LIMCH1: variants seen among roughly 807,000 people sequenced by gnomAD.
The protein encoded by LIMCH1 is LIM and calponin homology domains 1.
A neutral mutation model predicts 176.5 loss-of-function variants in LIMCH1; 113 were observed. That is an observed-to-expected ratio of 0.64 (90% CI 0.55 to 0.75). The LOEUF is 0.75. LIMCH1 is among the 30% of genes least tolerant of loss of function. The probability of loss-of-function intolerance (pLI) is 0.00; values close to 1 mark genes in which losing one functional copy is unlikely to be tolerated. For missense variants in LIMCH1, 1,674 were observed against 1,814.9 expected, an observed-to-expected ratio of 0.92 and a Z score of 1.41; for synonymous variants, 619 against 645.9, an observed-to-expected ratio of 0.96 and a Z score of 0.63.
chr4:41,507,765 T>C (rs2154182423), intron 2 of LIMCH1, among the ~76,000 whole-genome samples: 1 of 151,652 alleles, frequency 6.6e-6, no homozygotes, highest in Non-Finnish European at 1.5e-5. Context: ...ATCTCTTCCT[T>C]TATCCAACTG....
At chr4:41,390,978 T>G (rs1395800245) in intron 1 of LIMCH1, among the ~76,000 whole-genome samples, 1 of 152,232 alleles carries the variant, frequency 6.6e-6, no homozygotes, top group African/African-American at 2.4e-5. Context: ...AATTAGGGAT[T>G]CTCTTATGTG....
intron 1 of LIMCH1, among the ~76,000 whole-genome samples, chr4:41,368,236 A>G (rs188907179): frequency 1.3e-5 from 2 of 152,346 alleles, no homozygotes; most frequent in Admixed American, 1.3e-4. Flanking sequence ...CAGTATAAAC[A>G]GTGGCAAAAA....
At chr4:41,427,114 G>T (rs138527673) in intron 1 of LIMCH1, among the ~76,000 whole-genome samples, 1 of 152,298 alleles carries the variant, frequency 6.6e-6, no homozygotes, top group East Asian at 1.9e-4. Flanking sequence ...CAGAGAAAGT[G>T]GCAGGACTTA....
intron 17 of LIMCH1, among the ~76,000 whole-genome samples, chr4:41,649,136 A>G (rs551315023): frequency 2.8e-4 from 43 of 152,228 alleles, no homozygotes; most frequent in Non-Finnish European, 4.7e-4. Context: ...GAGGTGGCTC[A>G]CACCTGTAAT....
intron 21 of LIMCH1, among the ~76,000 whole-genome samples, 175 bp downstream of exon 21, chr4:41,666,841 T>G (rs1334846129): frequency 6.6e-6 from 1 of 152,196 alleles, no homozygotes; most frequent in East Asian, 1.9e-4. Flanking sequence ...TGGAGCCGGA[T>G]TCTCTATTTG....
chr4:41,611,603 G>GA (rs1178382448), intron 4 of LIMCH1, among the ~76,000 whole-genome samples: 1 of 152,186 alleles, frequency 6.6e-6, no homozygotes, highest in Non-Finnish European at 1.5e-5. Context: ...CTAACTGTGT[G>GA]ACCTCAGTCA....
chr4:41,679,140 G>A (rs78029723), intron 23 of LIMCH1, among the ~76,000 whole-genome samples: 72 of 152,282 alleles, frequency 4.7e-4, no homozygotes, highest in African/African-American at 1.1e-3. Context: ...TTTCAGCCTC[G>A]AAGAGAGGAT....
intron 1 of LIMCH1, among the ~76,000 whole-genome samples, chr4:41,564,294 T>C (rs868859126): frequency 9.9e-5 from 15 of 152,174 alleles, no homozygotes; most frequent in Admixed American, 5.9e-4. Flanking sequence ...TCTCACCCAT[T>C]TGCTCTGGCG....
chr4:41,545,847 G>A (rs1033392196), intron 1 of LIMCH1, among the ~76,000 whole-genome samples: 13 of 152,124 alleles, frequency 8.5e-5, no homozygotes, highest in African/African-American at 2.4e-4. Context: ...TATCCATTTC[G>A]TTTCATACTT....
intron 1 of LIMCH1, among the ~76,000 whole-genome samples, chr4:41,475,085 G>A (rs1458191018): frequency 6.6e-6 from 1 of 152,174 alleles, no homozygotes; most frequent in Non-Finnish European, 1.5e-5. Flanking sequence ...ATTTTCAGGA[G>A]TTTAGTGGAG....
chr4:41,680,306 T>A (rs1341605337), intron 24 of LIMCH1, among the ~76,000 whole-genome samples: 1 of 152,234 alleles, frequency 6.6e-6, no homozygotes, highest in Non-Finnish European at 1.5e-5. Flanking sequence ...GATAAGGGTG[T>A]GTTGAGTCAC....
At chr4:41,607,445 CAACTCAT>C (rs2090879884) in intron 4 of LIMCH1, among the ~76,000 whole-genome samples, 1 of 152,204 alleles carries the variant, frequency 6.6e-6, no homozygotes, top group African/African-American at 2.4e-5. Flanking sequence ...CAATGAAGCA[CAACTCAT>C]TGCTTCTCAG....
rs547210491 is a variant in LIMCH1 at position 41,543,737 on chromosome 4, C to T, written c.-241+5387C>T. 1.4e-4 allele frequency among the ~76,000 whole-genome samples: 21 copies of T among 152,232 alleles called. No homozygotes were observed. In the South Asian group the frequency reaches 3.9e-3, roughly 29 times the overall value. On this transcript the variant is annotated intron_variant, in intron 1 of 31. Coordinates refer to ENST00000503057, the MANE Select transcript of LIMCH1 (RefSeq NM_001330672.2). ...GGGTCTTCACATCTTGGCCAGGTTT[C>T]TGTTAAAAAAACAAAGGCGCCTCTG...
upstream of LIMCH1, among the ~76,000 whole-genome samples, chr4:41,535,650 G>C (rs1335174917): frequency 1.3e-5 from 2 of 152,154 alleles, no homozygotes; most frequent in Admixed American, 6.5e-5. Context: ...GATACGAATT[G>C]GGGGAGGGAG....
chr4:41,590,145 T>G (rs2087239920), intron 1 of LIMCH1, among the ~76,000 whole-genome samples: 1 of 151,880 alleles, frequency 6.6e-6, no homozygotes, highest in African/African-American at 2.4e-5. Context: ...CAGGCTGGAG[T>G]GTAGTGGCAC....
At chr4:41,396,265 A>T (rs2057790912) in intron 1 of LIMCH1, among the ~76,000 whole-genome samples, 1 of 152,222 alleles carries the variant, frequency 6.6e-6, no homozygotes, top group Admixed American at 6.5e-5. Context: ...TTCAACATGT[A>T]AACTTTGTTA....
intron 1 of LIMCH1, among the ~76,000 whole-genome samples, chr4:41,569,207 C>G (rs1046431261): frequency 1.3e-5 from 2 of 152,168 alleles, no homozygotes; most frequent in African/African-American, 4.8e-5. Flanking sequence ...AAAATGCTCG[C>G]TTTCTTAATG....
At chr4:41,449,216 G>A (rs1561406209) in intron 1 of LIMCH1, among the ~76,000 whole-genome samples, 1 of 152,034 alleles carries the variant, frequency 6.6e-6, no homozygotes, top group Non-Finnish European at 1.5e-5. Context: ...AGAACTCCAG[G>A]CAGTGCTCCC....
intron 14 of LIMCH1, among the ~76,000 whole-genome samples, chr4:41,640,433 T>G (rs902210305): frequency 4.6e-5 from 7 of 152,234 alleles, no homozygotes; most frequent in African/African-American, 1.4e-4. Flanking sequence ...TGCCTTCACC[T>G]GAACACAAAA....
Sources: gnomAD v4.1 joint callset for allele counts (sites outside exome capture counted in the v4.1 genomes callset) on GRCh38, gnomAD v4.1.1 for gene constraint, MANE v1.5 for transcripts, NCBI Gene and HGNC (gene_info 2026-07-23, HGNC 2026-07-21) for gene names.